The following ETV1 variants were observed in gnomAD, a reference collection of about 807,000 sequenced individuals.
The protein encoded by ETV1 is ETS variant transcription factor 1, also known as ETS translocation variant 1.
Under a neutral mutation model 62.3 loss-of-function variants are expected in ETV1, and 27 were observed. The observed-to-expected ratio is 0.43, with a 90% CI of 0.32 to 0.60. ETV1 has a LOEUF of 0.60. Ranked by LOEUF, ETV1 falls within the 20% of genes least tolerant of loss-of-function variation. The pLI is 0.06. For missense variants in ETV1, 605 were observed against 605.8 expected (o/e 1.00, Z 0.01); for synonymous variants, 222 against 199.6 (o/e 1.11, Z -0.94).
At chr7:13,988,233 C>G (rs1782727233) in intron 3 of ETV1, 60 bp from the exon 4 acceptor site, 22 of 942,178 alleles carry the variant, frequency 2.3e-5, no homozygotes, top group Non-Finnish European at 3.5e-5. Flanking sequence ...CACACACGCA[C>G]ACGCGCGCGC....
intron 9 of ETV1, among the ~76,000 whole-genome samples, chr7:13,930,792 A>G (rs920680737): frequency 5.2e-4 from 66 of 126,028 alleles, no homozygotes; most frequent in African/African-American, 1.5e-3. Flanking sequence ...TGCCACCAAT[A>G]TATATTTTTT....
chr7:13,970,201 C>T (rs1241378912), intron 6 of ETV1, among the ~76,000 whole-genome samples: 1 of 151,206 alleles, frequency 6.6e-6, no homozygotes, highest in Non-Finnish European at 1.5e-5. Flanking sequence ...GCGGAGCTTG[C>T]AGTGAGCTGA....
chr7:13,919,417 A>C (rs1317313216), intron 9 of ETV1, among the ~76,000 whole-genome samples: 3 of 151,786 alleles, frequency 2.0e-5, no homozygotes, highest in Admixed American at 6.6e-5. Flanking sequence ...GAGTTGAAAA[A>C]TACTTTTAAA....
At chr7:13,909,496 T>G in intron 11 of ETV1, 136 bp downstream of exon 11, 2 of 688,668 alleles carry the variant, frequency 2.9e-6, no homozygotes, top group South Asian at 1.8e-5. Flanking sequence ...TAGGTCAACG[T>G]TGGCTAAAAT....
chr7:13,971,785 A>G (rs1780927973), intron 6 of ETV1, among the ~76,000 whole-genome samples: 1 of 152,206 alleles, frequency 6.6e-6, no homozygotes. Context: ...TGTTACGAAG[A>G]ACAAAATGAA....
At chr7:13,953,843 T>C (rs951627407) in intron 6 of ETV1, among the ~76,000 whole-genome samples, 10 of 152,102 alleles carry the variant, frequency 6.6e-5, no homozygotes, top group Non-Finnish European at 1.3e-4. Flanking sequence ...TGAAATCCAG[T>C]GCTACAAAAA....
rs76858464 is a variant in ETV1 at position 13,951,753 on chromosome 7, T to A, written c.236-12507A>T. ...AATATCAAAATTATTAATTATAACATCAAATATTGTAAAGTCACAAACCCC... is the reference window on the plus strand; with the variant it reads ...AATATCAAAATTATTAATTATAACAACAAATATTGTAAAGTCACAAACCCC... On this transcript the variant is annotated intron_variant, in intron 6 of 13. Coordinates refer to ENST00000430479, the MANE Select transcript of ETV1 (RefSeq NM_004956.5). Among the ~76,000 whole-genome samples, 434 of 152,276 alleles carry A rather than the reference T, an allele frequency of 2.9e-3. 11 individuals are homozygous for A. In the East Asian group the frequency reaches 0.056, roughly 20 times the overall value.
intron 6 of ETV1, among the ~76,000 whole-genome samples, chr7:13,944,569 G>A (rs1787936925): frequency 6.6e-6 from 1 of 152,080 alleles, no homozygotes; most frequent in South Asian, 2.1e-4. Context: ...TGGTGAGACG[G>A]GGACACAAAC....
At chr7:13,927,521 C>T (rs1785571580) in intron 9 of ETV1, among the ~76,000 whole-genome samples, 1 of 152,122 alleles carries the variant, frequency 6.6e-6, no homozygotes, top group South Asian at 2.1e-4. Flanking sequence ...CTATGTGCTT[C>T]CTAATGTGCT....
intron 3 of ETV1, chr7:13,988,463 A>G: frequency 1.7e-6 from 1 of 599,492 alleles, no homozygotes. Context: ...AACAACCTGA[A>G]GCATTTACAC....
chr7:13,987,645 G>A (rs546554371), intron 4 of ETV1, among the ~76,000 whole-genome samples: 1 of 152,156 alleles, frequency 6.6e-6, no homozygotes, highest in Admixed American at 6.5e-5. Context: ...AATAGTAGAT[G>A]GTTTTAGTGT....
In ETV1 at chr7:13,892,151, A is replaced by G. The variant is rs75783477; in HGVS notation, c.*3715T>C. On this transcript the variant is annotated 3_prime_UTR_variant, in exon 14 of 14. Transcript: ENST00000430479. ...AATAAGTAATAATCACTAGCAAATGATAAGATCACATAGTAACCCATATTA... is the reference window on the plus strand; with the variant it reads ...AATAAGTAATAATCACTAGCAAATGGTAAGATCACATAGTAACCCATATTA... 2,804 of 232,480 alleles carry G rather than the reference A, an allele frequency of 0.012. 216 individuals are homozygous for G. In the East Asian group the frequency reaches 0.15, roughly 13 times the overall value. The allele number at this position is 232,480 out of a possible 1,614,324, so 14.4% of individuals were successfully genotyped here.
chr7:13,947,965 C>T (rs1180672520), intron 6 of ETV1, among the ~76,000 whole-genome samples: 3 of 152,114 alleles, frequency 2.0e-5, no homozygotes, highest in South Asian at 2.1e-4. Context: ...GACTAATTCA[C>T]GTGTGTCAGA....
At chr7:13,965,049 G>A (rs568577101) in intron 6 of ETV1, among the ~76,000 whole-genome samples, 3 of 152,078 alleles carry the variant, frequency 2.0e-5, no homozygotes, top group African/African-American at 4.8e-5. Flanking sequence ...TACCTCCGCC[G>A]CTGCTGCTAC....
intron 6 of ETV1, among the ~76,000 whole-genome samples, chr7:13,967,497 A>C (rs1780423461): frequency 6.6e-6 from 1 of 152,146 alleles, no homozygotes; most frequent in Non-Finnish European, 1.5e-5. Flanking sequence ...ATATATTGCC[A>C]ATAATGGAGT....
intron 6 of ETV1, among the ~76,000 whole-genome samples, chr7:13,962,404 C>T (rs976346566): frequency 6.6e-6 from 1 of 151,876 alleles, no homozygotes; most frequent in Non-Finnish European, 1.5e-5. Flanking sequence ...GTACTCAGTC[C>T]CATAGATAAA....
Position 13,919,597 on chromosome 7 carries a change from C to G in ETV1, c.803-8290G>C, listed in dbSNP as rs866747643. On this transcript the variant is annotated intron_variant, in intron 9 of 13. Coordinates refer to ENST00000430479, the MANE Select transcript of ETV1 (RefSeq NM_004956.5). ...ACACACACACACACACACACACACA[C>G]ACACAAAATAAGAACAATAACCATC... Among the ~76,000 whole-genome samples, 91 of 148,406 alleles carry G rather than the reference C, an allele frequency of 6.1e-4. 1 individual carries two copies. Among genetic ancestry groups the G allele is most frequent in the South Asian group, 5.6e-3 (26 of 4,682 alleles).
At chr7:13,988,725 G>A in intron 3 of ETV1, 1 of 1,612,278 alleles carries the variant, frequency 6.2e-7, no homozygotes, top group South Asian at 1.1e-5. Context: ...AAAACTTTGA[G>A]TGCAGCAGCT....
intron 6 of ETV1, among the ~76,000 whole-genome samples, chr7:13,941,096 A>G (rs967765741): frequency 1.3e-5 from 2 of 152,220 alleles, no homozygotes; most frequent in African/African-American, 4.8e-5. Flanking sequence ...GTCTATCTCC[A>G]TATATCAAGA....
Sources: gnomAD v4.1 joint callset for allele counts (sites outside exome capture counted in the v4.1 genomes callset) on GRCh38, gnomAD v4.1.1 for gene constraint, MANE v1.5 for transcripts, NCBI Gene and HGNC (gene_info 2026-07-23, HGNC 2026-07-21) for gene names.